PXDNL: variants seen among roughly 807,000 people sequenced by gnomAD.
PXDNL encodes probable oxidoreductase PXDNL.
A neutral mutation model predicts 150.8 loss-of-function variants in PXDNL; 145 were observed. The ratio of observed to expected loss-of-function variants is 0.96; its 90% CI spans 0.84 to 1.10. The LOEUF (loss-of-function observed/expected upper bound fraction) is 1.10, where lower values mean the gene tolerates loss of function less well. Among genes scored for constraint, PXDNL ranks in the 50% least tolerant of loss-of-function variants. The pLI is 0.00. For missense variants in PXDNL, 2,087 were observed against 1,873.9 expected (o/e 1.11, Z -2.10); for synonymous variants, 757 against 725.7 (o/e 1.04, Z -0.69).
chr8:51,447,226 C>A (rs772363872), intron 11 of PXDNL, 64 bp from the exon 12 acceptor site: 2 of 1,551,800 alleles, frequency 1.3e-6, no homozygotes, highest in Non-Finnish European at 1.8e-6. Context: ...GAGCTGCTGG[C>A]TGTCCTGGCT....
intron 1 of PXDNL, among the ~76,000 whole-genome samples, chr8:51,714,134 C>T (rs1816558276): frequency 6.6e-6 from 1 of 152,136 alleles, no homozygotes; most frequent in African/African-American, 2.4e-5. Flanking sequence ...AAAATTAAGT[C>T]ATCCCTAATG....
At chr8:51,339,809 T>C in intron 20 of PXDNL, 56 bp from the exon 21 acceptor site, 1 of 1,540,060 alleles carries the variant, frequency 6.5e-7, no homozygotes, top group South Asian at 1.2e-5. Context: ...TGTGAGAATT[T>C]TAAAATATCA....
intron 1 of PXDNL, among the ~76,000 whole-genome samples, chr8:51,711,659 T>G (rs1816501802): frequency 6.6e-6 from 1 of 152,238 alleles, no homozygotes; most frequent in African/African-American, 2.4e-5. Context: ...GTCAACTTAC[T>G]TTTGTTAAGT....
At chr8:51,388,030 G>A (rs1807775084) in intron 17 of PXDNL, among the ~76,000 whole-genome samples, 2 of 152,032 alleles carry the variant, frequency 1.3e-5, no homozygotes, top group Non-Finnish European at 1.5e-5. Flanking sequence ...TTATACCAGA[G>A]GCATGCTAAT....
intron 14 of PXDNL, among the ~76,000 whole-genome samples, chr8:51,419,299 T>C (rs1432414207): frequency 6.6e-6 from 1 of 152,238 alleles, no homozygotes; most frequent in Non-Finnish European, 1.5e-5. Flanking sequence ...TTTGCATTTT[T>C]CACTTTGTCC....
At chr8:51,424,082 G>C (rs142720268) in intron 13 of PXDNL, among the ~76,000 whole-genome samples, 1 of 152,238 alleles carries the variant, frequency 6.6e-6, no homozygotes, top group Non-Finnish European at 1.5e-5. Flanking sequence ...ACTACATTTG[G>C]TCGGGCACAG....
intron 4 of PXDNL, among the ~76,000 whole-genome samples, chr8:51,500,185 T>C (rs1811152272): frequency 6.6e-6 from 1 of 152,234 alleles, no homozygotes; most frequent in Admixed American, 6.5e-5. Flanking sequence ...CAGGGAGAAG[T>C]GTCCTGTCTG....
intron 4 of PXDNL, among the ~76,000 whole-genome samples, chr8:51,502,672 T>G (rs1430668089): frequency 6.6e-6 from 1 of 152,154 alleles, no homozygotes; most frequent in Admixed American, 6.5e-5. Flanking sequence ...AAGTGTTTTT[T>G]TTTTTCCTTT....
intron 17 of PXDNL, among the ~76,000 whole-genome samples, chr8:51,375,290 A>G (rs753024892): frequency 2.6e-5 from 4 of 152,230 alleles, no homozygotes; most frequent in Non-Finnish European, 5.9e-5. Context: ...CAACAAACAA[A>G]CAAAAAAGCA....
intron 20 of PXDNL, among the ~76,000 whole-genome samples, chr8:51,344,500 A>T (rs906542948): frequency 6.6e-6 from 1 of 152,098 alleles, no homozygotes; most frequent in African/African-American, 2.4e-5. Context: ...TCAAAATCTT[A>T]GCTTATCCTT....
At chr8:51,477,969 C>T (rs10958269) in intron 6 of PXDNL, among the ~76,000 whole-genome samples, 23,754 of 151,706 alleles carry the variant, frequency 0.16, 2,091 homozygotes, top group Middle Eastern at 0.24. Flanking sequence ...ACTTGCCAGT[C>T]GAAAAACTCC....
intron 3 of PXDNL, among the ~76,000 whole-genome samples, chr8:51,574,182 T>A (rs1813003386): frequency 6.6e-6 from 1 of 151,942 alleles, no homozygotes; most frequent in Non-Finnish European, 1.5e-5. Context: ...TGGAAATAAC[T>A]TTTTTAAACC....
chr8:51,510,182 C>T (rs1431464909), intron 4 of PXDNL, among the ~76,000 whole-genome samples: 14 of 152,088 alleles, frequency 9.2e-5, no homozygotes, highest in Non-Finnish European at 1.3e-4. Flanking sequence ...TGGGAAGAGT[C>T]CACAGAGCCA....
At chr8:51,604,251 A>G (rs1813793931) in intron 2 of PXDNL, among the ~76,000 whole-genome samples, 1 of 152,290 alleles carries the variant, frequency 6.6e-6, no homozygotes, top group East Asian at 1.9e-4. Flanking sequence ...AACCAACCCA[A>G]ATGTCCAACA....
intron 3 of PXDNL, among the ~76,000 whole-genome samples, chr8:51,588,418 T>G (rs1025906825): frequency 2.6e-5 from 4 of 152,190 alleles, no homozygotes; most frequent in African/African-American, 4.8e-5. Context: ...AAATAACATG[T>G]CTTACAAGAG....
At chr8:51,497,699 A>G (rs193016526) in intron 5 of PXDNL, among the ~76,000 whole-genome samples, 9 of 152,378 alleles carry the variant, frequency 5.9e-5, no homozygotes, top group South Asian at 2.1e-4. Context: ...ATCATTGGCC[A>G]TCAGAGAAAT....
At chr8:51,333,013 A>G (rs966640282) in intron 21 of PXDNL, among the ~76,000 whole-genome samples, 25 of 152,332 alleles carry the variant, frequency 1.6e-4, no homozygotes, top group Non-Finnish European at 2.6e-4. Context: ...TTGCAAAAAG[A>G]TCTTCACCTA....
intron 12 of PXDNL, among the ~76,000 whole-genome samples, chr8:51,427,199 T>C (rs1809129124): frequency 6.6e-6 from 1 of 152,136 alleles, no homozygotes; most frequent in South Asian, 2.1e-4. Context: ...TAATATGAAA[T>C]AGATAATTGA....
intron 8 of PXDNL, among the ~76,000 whole-genome samples, chr8:51,471,781 G>A (rs1056335487): frequency 2.0e-5 from 3 of 151,674 alleles, no homozygotes; most frequent in Non-Finnish European, 4.4e-5. Flanking sequence ...CCGCCTCCCG[G>A]GTTCACGCCA....
Sources: gnomAD v4.1 joint callset for allele counts (sites outside exome capture counted in the v4.1 genomes callset) on GRCh38, gnomAD v4.1.1 for gene constraint, MANE v1.5 for transcripts, NCBI Gene and HGNC (gene_info 2026-07-23, HGNC 2026-07-21) for gene names.